TPM3: variants seen among roughly 807,000 people sequenced by gnomAD.
TPM3 encodes the protein tropomyosin alpha-3 chain.
A neutral mutation model predicts 43.1 loss-of-function variants in TPM3; 16 were observed. That is an observed-to-expected ratio of 0.37 (90% CI 0.25 to 0.56). TPM3 has a LOEUF of 0.56. Among genes scored for constraint, TPM3 ranks in the 20% least tolerant of loss-of-function variants. The pLI, the probability that TPM3 is intolerant of heterozygous loss-of-function variation, is 0.77. For missense variants in TPM3, 176 were observed against 337.2 expected (o/e 0.52, Z 3.74); for synonymous variants, 101 against 116.9 (o/e 0.86, Z 0.88).
chr1:154,159,979 GTAAGT>G (rs1276345753), downstream of TPM3, among the ~76,000 whole-genome samples: 1 of 143,926 alleles, frequency 6.9e-6, no homozygotes, highest in African/African-American at 2.6e-5. Context: ...AAGCTACTAA[GTAAGT>G]TATTTCCTTT....
intron 2 of TPM3, among the ~76,000 whole-genome samples, chr1:154,179,654 G>A (rs543876583): frequency 6.6e-6 from 1 of 152,276 alleles, no homozygotes; most frequent in East Asian, 1.9e-4. Context: ...TCCAATCCTG[G>A]TTCACTGCCA....
At chr1:154,171,855 T>C in intron 5 of TPM3, 1 of 787,464 alleles carries the variant, frequency 1.3e-6, no homozygotes, top group Non-Finnish European at 2.2e-6. Context: ...GTGAAGCAAC[T>C]AGGAAAGAAG....
At chr1:154,179,559 G>A (rs1662711628) in intron 2 of TPM3, among the ~76,000 whole-genome samples, 1 of 151,882 alleles carries the variant, frequency 6.6e-6, no homozygotes, top group Non-Finnish European at 1.5e-5. Flanking sequence ...TGAGGCAGAG[G>A]TAGTGTGCTG....
At position 154,164,180 on chromosome 1, in the gene TPM3, T is replaced by TGG. The variant is rs574252210; in HGVS notation, c.*3755_*3756dup. The stretch of plus-strand genomic sequence containing the variant: ...CCCCACCACTTTCCTACTCTTTTTT[T>TGG]GGGGGGGGTCTCATTCTGCCACCCA... On this transcript the variant is annotated 3_prime_UTR_variant, in exon 10 of 10. Coordinates refer to ENST00000651641, the MANE Select transcript of TPM3 (RefSeq NM_152263.4). 1.3e-5 allele frequency among the ~76,000 whole-genome samples: 2 copies of TGG among 151,352 alleles called. No individual in the cohort carries two copies. Among genetic ancestry groups the TGG allele is most frequent in the African/African-American group, 4.9e-5 (2 of 41,158 alleles).
At position 154,176,371 on chromosome 1, in the gene TPM3, T is replaced by C. The variant is rs547176859; in HGVS notation, c.244-123A>G. ...CCAGAGTCTCGCAGGGTAGAACTTG[T>C]CTTAGCTCAGCTGTTAAAAGATCTA... is the stretch of plus-strand genomic sequence containing the variant. On this transcript the variant is annotated intron_variant, in intron 2 of 9. Coordinates refer to ENST00000651641, the MANE Select transcript of TPM3 (RefSeq NM_152263.4). 3.2e-3 allele frequency: 4,490 copies of C among 1,397,812 alleles called. 13 individuals carry two copies. The highest frequency in any genetic ancestry group is 3.9e-3 in the Non-Finnish European group (3,871 of 1,004,766). The allele number at this position is 1,397,812 out of a possible 1,614,324, so 86.6% of individuals were successfully genotyped here. A position where few individuals can be genotyped will look rare whatever the true frequency, so the allele number is the denominator to read the frequency against.
intron 2 of TPM3, among the ~76,000 whole-genome samples, chr1:154,179,810 A>C (rs1013406887): frequency 6.6e-6 from 1 of 151,986 alleles, no homozygotes; most frequent in Admixed American, 6.6e-5. Context: ...CCTCAGATCC[A>C]CCCGCCTAGG....
downstream of TPM3, among the ~76,000 whole-genome samples, chr1:154,161,201 T>G (rs1039090048): frequency 7.2e-6 from 1 of 139,508 alleles, no homozygotes; most frequent in African/African-American, 2.7e-5. Context: ...GAATAAGGAA[T>G]ACTCAAAACT....
rs80242961 is a variant in TPM3, at chr1:154,185,912, G to A, written c.243+5274C>T. ...CTCTTTTCTCCTAGAAAATTAGGAT[G>A]TGGAACAGGACTTACAATGAAGAGT... is the stretch of plus-strand genomic sequence containing the variant. On this transcript the variant is annotated intron_variant, in intron 2 of 9. Transcript: ENST00000651641. Among the ~76,000 whole-genome samples, 1,198 of 151,372 alleles carry A rather than the reference G, an allele frequency of 7.9e-3. 64 individuals are homozygous for A. Among genetic ancestry groups the A allele is most frequent in the African/African-American group, 0.028 (1,146 of 40,730 alleles).
At chr1:154,175,225 G>C (rs181524916) in intron 3 of TPM3, among the ~76,000 whole-genome samples, 19 of 151,930 alleles carry the variant, frequency 1.3e-4, no homozygotes, top group African/African-American at 3.4e-4. Context: ...CAGCTACTTG[G>C]GAGGCTGAGG....
intron 2 of TPM3, among the ~76,000 whole-genome samples, chr1:154,181,925 AAAAG>A (rs1463627035): frequency 1.3e-5 from 2 of 152,196 alleles, no homozygotes; most frequent in African/African-American, 4.8e-5. Context: ...TGTCTCAAAA[AAAAG>A]AAAGGAAGAA....
chr1:154,191,421 G>A, intron 1 of TPM3, 110 bp from the exon 2 acceptor site: 4 of 1,562,196 alleles, frequency 2.6e-6, no homozygotes, highest in Non-Finnish European at 3.5e-6. Context: ...CATCCCTAGT[G>A]AGACACACTT....
At chr1:154,179,214 C>T (rs1426521683) in intron 2 of TPM3, among the ~76,000 whole-genome samples, 1 of 152,218 alleles carries the variant, frequency 6.6e-6, no homozygotes, top group Admixed American at 6.5e-5. Context: ...ATACCGTGTC[C>T]TTGGGGAATT....
intron 6 of TPM3, 68 bp downstream of exon 6, chr1:154,171,345 A>G: frequency 6.5e-7 from 1 of 1,537,518 alleles, no homozygotes; most frequent in Non-Finnish European, 9.0e-7. Context: ...GCGTGTCTCC[A>G]GTCTTTCATC....
At position 154,165,477 on chromosome 1, in the gene TPM3, A is replaced by G. The variant is rs766845757; in HGVS notation, c.*2460T>C. ...GTCAAAAATCCACTTTTGGAACCCA[A>G]TAAAAATGAATATGCAAGTTTAACA... On this transcript the variant is annotated 3_prime_UTR_variant, in exon 10 of 10. Transcript: ENST00000651641. Among the ~76,000 whole-genome samples the G allele has an allele frequency of 6.6e-6, 1 of 151,550 alleles. No homozygotes were observed. The highest frequency in any genetic ancestry group is 2.4e-5 in the African/African-American group (1 of 41,250).
chr1:154,172,697 A>G (rs1411569750), intron 5 of TPM3: 1 of 639,908 alleles, frequency 1.6e-6, no homozygotes, highest in South Asian at 1.8e-5. Flanking sequence ...CCAACAAAAA[A>G]TAAGAAAGCC....
In TPM3 at chr1:154,162,385, A is replaced by C. The variant is rs981429465; in HGVS notation, c.*5552T>G. Among the ~76,000 whole-genome samples the C allele has an allele frequency of 4.0e-5, 6 of 148,496 alleles. No homozygotes were observed. The highest frequency in any genetic ancestry group is 2.1e-4 in the South Asian group (1 of 4,694). On this transcript the variant is annotated 3_prime_UTR_variant, in exon 10 of 10. Coordinates refer to ENST00000651641, the MANE Select transcript of TPM3 (RefSeq NM_152263.4). Reference sequence around the variant, plus strand: ...GTCTCAAAAAAAAAAAAAAAAAAAAACACAAACCAACCCCATGGAGTTGGA... The same window carrying C: ...GTCTCAAAAAAAAAAAAAAAAAAAACCACAAACCAACCCCATGGAGTTGGA...
intron 2 of TPM3, among the ~76,000 whole-genome samples, chr1:154,180,869 G>C (rs941593292): frequency 1.3e-5 from 2 of 152,024 alleles, no homozygotes; most frequent in Non-Finnish European, 2.9e-5. Context: ...AGGTTGCAGT[G>C]AGCAGAGATC....
intron 2 of TPM3, among the ~76,000 whole-genome samples, chr1:154,181,093 T>TGCCACTG (rs1333338943): frequency 6.6e-6 from 1 of 152,108 alleles, no homozygotes; most frequent in Non-Finnish European, 1.5e-5. Context: ...GATGAGAAAG[T>TGCCACTG]GCCACTGGCC....
intron 6 of TPM3, 185 bp from the exon 7 acceptor site, chr1:154,170,896 C>A: frequency 1.6e-6 from 1 of 611,268 alleles, no homozygotes; most frequent in Admixed American, 2.9e-5. Context: ...GTCTTTAGAG[C>A]CATGAGATCC....
Sources: allele counts gnomAD v4.1 joint callset (sites outside exome capture counted in the v4.1 genomes callset), GRCh38; gene constraint gnomAD v4.1.1; transcripts MANE v1.5; gene names NCBI Gene and HGNC (gene_info 2026-07-23, HGNC 2026-07-21).